DMBT1: variants seen among roughly 807,000 people sequenced by gnomAD.
DMBT1 encodes the protein scavenger receptor cysteine-rich domain-containing protein DMBT1.
DMBT1 carries 198 observed loss-of-function variants against 252.9 expected under a neutral mutation model. The observed-to-expected ratio is 0.78, with a 90% CI of 0.70 to 0.88. The LOEUF (loss-of-function observed/expected upper bound fraction) is 0.88, where lower values mean the gene tolerates loss of function less well. DMBT1 is among the 40% of genes least tolerant of loss of function. The pLI, the probability that DMBT1 is intolerant of heterozygous loss-of-function variation, is 0.00. For synonymous variants in DMBT1, 990 were observed against 942.7 expected, an observed-to-expected ratio of 1.05 and a Z score of -0.92; for missense variants, 2,432 against 2,404.7, an observed-to-expected ratio of 1.01 and a Z score of -0.24.
chr10:122,600,239 C>A lies in DMBT1; in HGVS notation c.3310+146C>A, dbSNP rs373262050. 4 of 1,238,314 alleles carry A rather than the reference C, an allele frequency of 3.2e-6. No homozygotes were observed. In the East Asian group the frequency reaches 7.6e-5, roughly 24 times the overall value. 76.7% of individuals were successfully genotyped at this position (1,238,314 alleles called of 1,614,324 possible). A position where few individuals can be genotyped will look rare whatever the true frequency, so the allele number is the denominator to read the frequency against. On this transcript the variant is annotated intron_variant, in intron 27 of 55. Coordinates refer to ENST00000338354, the MANE Select transcript of DMBT1 (RefSeq NM_001377530.1). ...CCCAACACCAGTTGTGTAACTGAGA[C>A]CCCAGCACAGCGCTTTTTAAACACA...
In DMBT1 at chr10:122,592,449, A is replaced by G. The variant is rs751501687; in HGVS notation, c.2354A>G (p.Asn785Ser). ...GCGWATSAPGNARFGQGSGPI... is the reference protein window; with the variant it reads ...GCGWATSAPGSARFGQGSGPI... ...GGCTGGGCCACGTCGGCCCCAGGAAATGCCCGGTTTGGCCAGGGCTCAGGA... is the reference window on the plus strand; with the variant it reads ...GGCTGGGCCACGTCGGCCCCAGGAAGTGCCCGGTTTGGCCAGGGCTCAGGA... The change falls in exon 20 of 56, where the codon AAT becomes AGT. Residue 785 changes from asparagine to serine, a missense_variant. Physicochemically the swap from Asn to Ser is conservative, Grantham distance 46. This residue lies in a region of DMBT1 where 1,264 missense variants were observed against 1,082.2 expected (regional missense o/e 1.17). Coordinates refer to ENST00000338354, the MANE Select transcript of DMBT1 (RefSeq NM_001377530.1). 1.1e-5 allele frequency: 18 copies of G among 1,588,112 alleles called. 1 individual carries two copies. The African/African-American group carries it at 2.4e-4, about 21-fold the overall frequency.
chr10:122,617,143 T>A (rs11528739), intron 39 of DMBT1, 85 bp from the exon 40 acceptor site: 1 of 1,432,250 alleles, frequency 7.0e-7, no homozygotes, highest in Non-Finnish European at 9.8e-7. Flanking sequence ...GTTGCCAGGT[T>A]GATTCCCCCT....
Position 122,637,219 on chromosome 10 carries a change from C to A in DMBT1, c.6849C>A (p.Ser2283=). ...TTTCTGCCAGTGACCTTGTCATTTCCACCTGGAATGGATACTACGAGTGTC... is the reference window on the plus strand; with the variant it reads ...TTTCTGCCAGTGACCTTGTCATTTCAACCTGGAATGGATACTACGAGTGTC... ...LGFSASDLVI[S]TWNGYYECRP... Residue 2283 remains serine (S), a synonymous_variant, in exon 54 of 56, where the codon TCC becomes TCA. Coordinates refer to ENST00000338354, the MANE Select transcript of DMBT1 (RefSeq NM_001377530.1). 6.2e-7 allele frequency: 1 copy of A among 1,613,996 alleles called. No individual in the cohort carries two copies. Among genetic ancestry groups the A allele is most frequent in the Admixed American group, 1.7e-5 (1 of 60,024 alleles).
rs377582283 is a variant in DMBT1 at position 122,640,181 on chromosome 10, A to G, written c.7084A>G (p.Asn2362Asp). 63 of 1,614,046 alleles carry G rather than the reference A, an allele frequency of 3.9e-5. No homozygotes were observed. In the African/African-American group the frequency reaches 4.7e-4, roughly 12 times the overall value. Residue 2362 changes from asparagine to aspartate, a missense_variant, in exon 55 of 56, where the codon AAT becomes GAT. Asn to Asp is a conservative substitution (Grantham distance 23). Around this residue, in one of 3 missense-constraint regions of DMBT1, gnomAD observed 1,162 missense variants for 1,169.0 expected, o/e 0.99. Transcript: ENST00000338354. ...CTGGGTCGACACCATGTACATTGCT[A>G]ATGACACCATCCACGTTGCTAATAA... ...NTWVDTMYIA[N>D]DTIHVANNTI... is the part of the protein sequence containing the mutation.
chr10:122,568,117 C>T (rs575733866), intron 2 of DMBT1, among the ~76,000 whole-genome samples: 27 of 152,124 alleles, frequency 1.8e-4, no homozygotes, highest in Non-Finnish European at 3.8e-4. Context: ...GGGAACGACA[C>T]GGAAGGAATG....
At chr10:122,586,911 C>T (rs2097795032) in intron 16 of DMBT1, among the ~76,000 whole-genome samples, 1 of 148,116 alleles carries the variant, frequency 6.8e-6, no homozygotes, top group Non-Finnish European at 1.5e-5. Context: ...ACAGAGGTCA[C>T]ATGGTGAGGG....
chr10:122,576,811 G>C (rs2097716471), intron 7 of DMBT1, 89 bp downstream of exon 7: 13 of 1,526,368 alleles, frequency 8.5e-6, no homozygotes, highest in Non-Finnish European at 9.9e-6. Context: ...CAGATTGCTT[G>C]AGCTCAGGCG....
intron 44 of DMBT1, among the ~76,000 whole-genome samples, chr10:122,621,589 AC>A (rs987031327): frequency 6.6e-6 from 1 of 152,180 alleles, no homozygotes; most frequent in African/African-American, 2.4e-5. Flanking sequence ...TGAAACAACA[AC>A]CCAGACTTTA....
intron 41 of DMBT1, 147 bp from the exon 42 acceptor site, chr10:122,619,161 G>T: frequency 9.6e-7 from 1 of 1,045,288 alleles, no homozygotes; most frequent in East Asian, 2.4e-5. Flanking sequence ...CATCTCTGTG[G>T]GAATTTACAT....
In DMBT1 at chr10:122,598,927, G is replaced by C. The variant is rs374726257; in HGVS notation, c.3110G>C (p.Gly1037Ala). 2 of 1,613,692 alleles carry C rather than the reference G, an allele frequency of 1.2e-6. No homozygotes were observed. The highest frequency in any genetic ancestry group is 2.7e-5 in the African/African-American group (2 of 74,912). Residue 1037 changes from glycine (G) to alanine (A), a missense_variant, in exon 26 of 56, where the codon GGC becomes GCC. Gly to Ala is a moderately conservative substitution (Grantham distance 60). Transcript: ENST00000338354. ...ANVVCRQLGC[G>A]WAMSAPGNAR... ...GTCGTCTGCAGGCAACTGGGCTGTG[G>C]CTGGGCCATGTCAGCCCCAGGAAAT...
rs183619980 is a variant in DMBT1, at chr10:122,587,422, T to C, written c.1783+1039T>C. ...CAATTCCCTCCAGAGCACTGCAGTG[T>C]CTTGCCTGTGCACCGGTCAGGTGTG... On this transcript the variant is annotated intron_variant, in intron 16 of 55. Transcript: ENST00000338354. Among the ~76,000 whole-genome samples the C allele has an allele frequency of 5.6e-4, 83 of 149,044 alleles. 2 individuals are homozygous for C. The highest frequency in any genetic ancestry group is 1.9e-3 in the African/African-American group (80 of 41,292).
chr10:122,634,360 C>CTTTCTTTCTTTCTTTCTTTCTT (rs1555029942), intron 52 of DMBT1, among the ~76,000 whole-genome samples: 11 of 105,714 alleles, frequency 1.0e-4, no homozygotes, highest in African/African-American at 3.6e-4. Context: ...TTCTTTCTTT[C>CTTTCTTTCTTTCTTTCTTTCTT]TTTCTTTCTT....
chr10:122,632,781 A>T (rs2098176277), intron 50 of DMBT1, 80 bp from the exon 51 acceptor site: 2 of 1,567,166 alleles, frequency 1.3e-6, no homozygotes, highest in African/African-American at 1.3e-5. Flanking sequence ...TTGGCACAGC[A>T]TCTGCACAGC....
intron 54 of DMBT1, among the ~76,000 whole-genome samples, chr10:122,638,332 C>CACACCCATTCACACCT (rs1843865131): frequency 6.6e-6 from 1 of 152,128 alleles, no homozygotes; most frequent in Admixed American, 6.5e-5. Context: ...CATTCACACC[C>CACACCCATTCACACCT]GTTTGGAGCG....
chr10:122,631,372 A>T, intron 49 of DMBT1, 91 bp downstream of exon 49: 1 of 1,492,660 alleles, frequency 6.7e-7, no homozygotes, highest in Non-Finnish European at 9.1e-7. Context: ...TCTGTGGCCC[A>T]GGCAGGAGCT....
At chr10:122,599,449 A>G (rs915009224) in intron 26 of DMBT1, among the ~76,000 whole-genome samples, 6 of 152,172 alleles carry the variant, frequency 3.9e-5, no homozygotes, top group African/African-American at 2.4e-5. Context: ...CGGGGTAGGG[A>G]TCCTCTCACT....
At chr10:122,639,478 G>A (rs1042580618) in intron 54 of DMBT1, among the ~76,000 whole-genome samples, 1 of 152,020 alleles carries the variant, frequency 6.6e-6, no homozygotes, top group Non-Finnish European at 1.5e-5. Flanking sequence ...GTCAAAGGGG[G>A]TTGTTCTCTG....
rs1367667593 is a variant in DMBT1, at chr10:122,617,261, G to T, written c.4891+1G>T. 7 of 1,609,612 alleles carry T rather than the reference G, an allele frequency of 4.3e-6. No homozygotes were observed. The highest frequency in any genetic ancestry group is 4.2e-6 in the Non-Finnish European group (5 of 1,178,758). ...CCAACCTCTCGTGCATCAACAGCAG[G>T]TAAACAATCCTCTCACCCCTCCCTA... On this transcript the variant is annotated splice_donor_variant, in intron 40 of 55. Coordinates refer to ENST00000338354, the MANE Select transcript of DMBT1 (RefSeq NM_001377530.1). LOFTEE classifies it high-confidence loss of function.
chr10:122,601,110 G>T (rs1205218631), intron 28 of DMBT1, 87 bp downstream of exon 28: 2 of 539,448 alleles, frequency 3.7e-6, no homozygotes, highest in Non-Finnish European at 6.2e-6. Context: ...CTCAAGGTGG[G>T]CCCCTCTTTT....
Sources: gnomAD v4.1 joint callset for allele counts (sites outside exome capture counted in the v4.1 genomes callset) on GRCh38, gnomAD v4.1.1 for gene constraint, gnomAD v4.1.1 regional missense constraint, MANE v1.5 for transcripts, NCBI Gene and HGNC (gene_info 2026-07-23, HGNC 2026-07-21) for gene names.